Variants in TEC observed in about 807,000 individuals in gnomAD.
TEC encodes the protein tec protein tyrosine kinase.
A neutral mutation model predicts 93.0 loss-of-function variants in TEC; 72 were observed. The ratio of observed to expected loss-of-function variants is 0.77; its 90% CI spans 0.64 to 0.94. TEC has a LOEUF of 0.94. Among genes scored for constraint, TEC ranks in the 40% least tolerant of loss-of-function variants. The pLI, the probability that TEC is intolerant of heterozygous loss-of-function variation, is 0.00. For synonymous variants in TEC, 249 were observed against 247.7 expected (o/e 1.01, Z -0.05); for missense variants, 630 against 757.9 (o/e 0.83, Z 1.98).
At chr4:48,194,898 T>A (rs1304395760) in intron 2 of TEC, among the ~76,000 whole-genome samples, 2 of 152,216 alleles carry the variant, frequency 1.3e-5, no homozygotes, top group Non-Finnish European at 2.9e-5. Context: ...ATTCAACTGG[T>A]GTTGCAAATA....
intron 9 of TEC, among the ~76,000 whole-genome samples, chr4:48,155,429 G>T (rs1020367996): frequency 1.3e-5 from 2 of 152,148 alleles, no homozygotes; most frequent in African/African-American, 2.4e-5. Flanking sequence ...AAGCCAGTTA[G>T]CACCTCCCAG....
Position 48,216,438 on chromosome 4 carries a change from A to G in TEC, c.138+12039T>C, listed in dbSNP as rs140378212. ...AAGATTTCTAAGAATTCCTCAGCCC[A>G]GTAGTTCATAGCATAAAAGGAGAAA... On this transcript the variant is annotated intron_variant, in intron 2 of 17. Transcript: ENST00000381501. Among the ~76,000 whole-genome samples, 372 of 152,360 alleles carry G rather than the reference A, an allele frequency of 2.4e-3. 1 individual carries two copies. The highest frequency in any genetic ancestry group is 8.5e-3 in the African/African-American group (352 of 41,584).
At position 48,174,735 on chromosome 4, in the gene TEC, TAAG is replaced by T. The variant is rs542680823; in HGVS notation, c.243+1344_243+1346del. Among the ~76,000 whole-genome samples the T allele has an allele frequency of 1.7e-3, 253 of 152,192 alleles. 2 individuals carry two copies. Among genetic ancestry groups the T allele is most frequent in the Middle Eastern group, 6.8e-3 (2 of 294 alleles). ...CCATTATATATGCATTAAACATACT[TAAG>T]AAGAAGGTTTAAATTTATCTTACTT... is the stretch of plus-strand genomic sequence containing the variant. On this transcript the variant is annotated intron_variant, in intron 3 of 17. Coordinates refer to ENST00000381501, the MANE Select transcript of TEC (RefSeq NM_003215.3).
At chr4:48,192,178 T>C (rs1409479460) in intron 2 of TEC, among the ~76,000 whole-genome samples, 1 of 152,168 alleles carries the variant, frequency 6.6e-6, no homozygotes, top group Admixed American at 6.5e-5. Context: ...GTAATAGAAA[T>C]GCAATATTGT....
At chr4:48,228,323 A>C (rs115802089) in intron 2 of TEC, among the ~76,000 whole-genome samples, 154 bp downstream of exon 2, 157 of 152,330 alleles carry the variant, frequency 1.0e-3, no homozygotes, top group African/African-American at 3.6e-3. Flanking sequence ...GTTAATTTCT[A>C]TCCATACTCT....
intron 2 of TEC, among the ~76,000 whole-genome samples, chr4:48,186,747 C>G (rs1287140451): frequency 1.3e-5 from 2 of 151,886 alleles, no homozygotes; most frequent in Admixed American, 6.5e-5. Flanking sequence ...CGGTCAGCCG[C>G]CCCGTCCGGG....
chr4:48,161,444 A>G (rs17471024), intron 8 of TEC, among the ~76,000 whole-genome samples: 55,002 of 151,486 alleles, frequency 0.36, 10,830 homozygotes, highest in Non-Finnish European at 0.45. Context: ...TCCTCCCTAC[A>G]CTGTTGACTG....
At chr4:48,143,231 G>C (rs1719759927) in intron 14 of TEC, among the ~76,000 whole-genome samples, 1 of 152,198 alleles carries the variant, frequency 6.6e-6, no homozygotes. Flanking sequence ...AAGGAGACAA[G>C]AGCATCCAAA....
At chr4:48,248,629 T>C (rs1724122570) in intron 1 of TEC, among the ~76,000 whole-genome samples, 4 of 152,210 alleles carry the variant, frequency 2.6e-5, no homozygotes, top group Admixed American at 6.5e-5. Context: ...CTAAAGTATC[T>C]GGCATGGGCC....
chr4:48,250,157 T>C (rs1305061160), intron 1 of TEC, among the ~76,000 whole-genome samples: 1 of 152,244 alleles, frequency 6.6e-6, no homozygotes, highest in Non-Finnish European at 1.5e-5. Flanking sequence ...GAGCTCTAGA[T>C]AGTCCCCTAA....
chr4:48,154,448 A>T (rs1052648345), intron 9 of TEC, among the ~76,000 whole-genome samples: 1 of 152,224 alleles, frequency 6.6e-6, no homozygotes, highest in Non-Finnish European at 1.5e-5. Context: ...TACTACTAAG[A>T]ATTACAATAG....
chr4:48,189,493 A>G (rs1196505278), intron 2 of TEC, among the ~76,000 whole-genome samples: 1 of 152,248 alleles, frequency 6.6e-6, no homozygotes, highest in Non-Finnish European at 1.5e-5. Flanking sequence ...AATACATTTT[A>G]CTGAAAAGAT....
chr4:48,169,216 C>T (rs1226129740), intron 5 of TEC, among the ~76,000 whole-genome samples: 1 of 152,048 alleles, frequency 6.6e-6, no homozygotes, highest in Non-Finnish European at 1.5e-5. Flanking sequence ...CCAGAGGAAC[C>T]ACTGCAGGAA....
intron 2 of TEC, among the ~76,000 whole-genome samples, chr4:48,191,135 G>A (rs1214736803): frequency 6.6e-6 from 1 of 152,064 alleles, no homozygotes; most frequent in African/African-American, 2.4e-5. Context: ...TCTGTAAATG[G>A]GGATCTTAAA....
rs190331034 is a variant in TEC at position 48,137,666 on chromosome 4, G to A, written c.1813-167C>T. 1.9e-3 allele frequency among the ~76,000 whole-genome samples: 286 copies of A among 152,228 alleles called. 3 individuals are homozygous for A. Among genetic ancestry groups the A allele is most frequent in the African/African-American group, 6.5e-3 (271 of 41,558 alleles). The stretch of plus-strand genomic sequence containing the variant: ...TCTTGTCTCTACCCTAATTTACCCT[G>A]CATGTACTGCTGCTAGGCTAACGTT... On this transcript the variant is annotated intron_variant, in intron 17 of 17. Coordinates refer to ENST00000381501, the MANE Select transcript of TEC (RefSeq NM_003215.3).
intron 9 of TEC, among the ~76,000 whole-genome samples, chr4:48,153,947 C>A (rs948551614): frequency 6.6e-6 from 1 of 152,180 alleles, no homozygotes; most frequent in Non-Finnish European, 1.5e-5. Flanking sequence ...CAGTGGAAAG[C>A]CCCAGGGGCT....
intron 7 of TEC, among the ~76,000 whole-genome samples, chr4:48,164,621 G>A (rs930818522): frequency 1.3e-5 from 2 of 151,760 alleles, no homozygotes; most frequent in South Asian, 4.2e-4. Flanking sequence ...CAGAAGGAAC[G>A]GCAATCCAGC....
chr4:48,149,166 T>G (rs1720053593), intron 11 of TEC, among the ~76,000 whole-genome samples: 1 of 152,184 alleles, frequency 6.6e-6, no homozygotes, highest in South Asian at 2.1e-4. Flanking sequence ...ATAGAATGAT[T>G]TATATTCCTT....
At chr4:48,207,264 C>A (rs919129498) in intron 2 of TEC, among the ~76,000 whole-genome samples, 1 of 151,972 alleles carries the variant, frequency 6.6e-6, no homozygotes, top group African/African-American at 2.4e-5. Flanking sequence ...GACTGAGGCC[C>A]CAGAAGACAG....
Sources: gnomAD v4.1 joint callset for allele counts (sites outside exome capture counted in the v4.1 genomes callset) on GRCh38, gnomAD v4.1.1 for gene constraint, MANE v1.5 for transcripts, NCBI Gene and HGNC (gene_info 2026-07-23, HGNC 2026-07-21) for gene names.